MUL1: variants seen among roughly 807,000 people sequenced by gnomAD.
The protein encoded by MUL1 is mitochondrial ubiquitin ligase activator of NFKB 1.
MUL1 carries 30 observed loss-of-function variants against 34.1 expected under a neutral mutation model. The observed-to-expected ratio is 0.88, with a 90% CI of 0.66 to 1.19. The LOEUF is 1.19. Among genes scored for constraint, MUL1 ranks in the 50% most tolerant of loss-of-function variants. The pLI is 0.00. For missense variants in MUL1, 419 were observed against 450.5 expected (o/e 0.93, Z 0.63); for synonymous variants, 191 against 187.8 (o/e 1.02, Z -0.14).
chr1:20,501,674 C>T lies in MUL1; in HGVS notation c.330-255G>A, dbSNP rs2051662144. 6.6e-6 allele frequency among the ~76,000 whole-genome samples: 1 copy of T among 152,200 alleles called. No homozygotes were observed. Among genetic ancestry groups the T allele is most frequent in the African/African-American group, 2.4e-5 (1 of 41,450 alleles). On this transcript the variant is annotated intron_variant, in intron 3 of 3. Transcript: ENST00000264198. This position sits in a 1 kb window ranked among gnomAD's most constrained non-coding sequence, Gnocchi z 4.2. ...TAAAACAAACATCTAAAACAAAACT[C>T]ACTAGGACCAGTTGGAAAACTGATA...
rs765538600 is a variant in MUL1 at position 20,501,251 on chromosome 1, G to C, written c.498C>G (p.Phe166Leu). ...TGATGTAGTGGCCGATGACATCGGT[G>C]AAGGACTGAATCGAGGGGTGGAACT... ...YEKFHPSIQSFTDVIGHYISG... is the reference protein window; with the variant it reads ...YEKFHPSIQSLTDVIGHYISG... Residue 166 changes from phenylalanine to leucine, a missense_variant, in exon 4 of 4, where the codon TTC becomes TTG. Physicochemically the swap from Phe to Leu is conservative, Grantham distance 22. Transcript: ENST00000264198. The surrounding 1 kb of genome is among the most constrained non-coding windows in gnomAD (Gnocchi z 4.2). The C allele has an allele frequency of 1.2e-6, 2 of 1,614,210 alleles. No individual in the cohort carries two copies. The highest frequency in any genetic ancestry group is 1.7e-6 in the Non-Finnish European group (2 of 1,180,046).
At position 20,501,516 on chromosome 1, in the gene MUL1, G is replaced by T; in HGVS notation, c.330-97C>A. On this transcript the variant is annotated intron_variant, in intron 3 of 3. Transcript: ENST00000264198. This position sits in a 1 kb window ranked among gnomAD's most constrained non-coding sequence, Gnocchi z 4.2. ...AAATGTGGAGGACAGCATATGGTCT[G>T]AAGTAACTGGAAGAAGACAGTAAGA... The T allele has an allele frequency of 7.5e-7, 1 of 1,331,652 alleles. No individual in the cohort carries two copies. Among genetic ancestry groups the T allele is most frequent in the Non-Finnish European group, 1.0e-6 (1 of 978,754 alleles). 82.5% of individuals were successfully genotyped at this position (1,331,652 alleles called of 1,614,324 possible). A position where few individuals can be genotyped will look rare whatever the true frequency, so the allele number is the denominator to read the frequency against.
chr1:20,501,180 T>A lies in MUL1; in HGVS notation c.569A>T (p.Lys190Met). The change falls in exon 4 of 4, where the codon AAG (lysine) becomes ATG (methionine). Residue 190 changes from lysine to methionine, a missense_variant. Transcript: ENST00000264198. This position sits in a 1 kb window ranked among gnomAD's most constrained non-coding sequence, Gnocchi z 4.2. The stretch of plus-strand genomic sequence containing the variant: ...AACCCCTGTGAGGGTGGCCCCCACC[T>A]TCAGCATCTCCTCGGTCTCTTGGAT... The part of the protein sequence containing the change: ...KGIQETEEML[K>M]VGATLTGVGE... 1 of 1,614,068 alleles carries A rather than the reference T, an allele frequency of 6.2e-7. No individual in the cohort carries two copies. The highest frequency in any genetic ancestry group is 8.5e-7 in the Non-Finnish European group (1 of 1,179,928).
At chr1:20,503,409 G>A (rs2051684216) in intron 1 of MUL1, 100 bp from the exon 2 acceptor site, 1 of 684,018 alleles carries the variant, frequency 1.5e-6, no homozygotes, top group Non-Finnish European at 2.4e-6. Context: ...TTTTTTTCGT[G>A]TCAAGAGAAT....
Position 20,502,119 on chromosome 1 carries a change from C to T in MUL1, c.279G>A (p.Arg93=). 6.2e-7 allele frequency: 1 copy of T among 1,614,112 alleles called. No individual in the cohort carries two copies. Among genetic ancestry groups the T allele is most frequent in the Non-Finnish European group, 8.5e-7 (1 of 1,180,010 alleles). ...FVENCKGVIQ[R]LTLQEHKMVW... ...CCATCTTGTGCTCCTGAAGTGTCAG[C>T]CGCTGAATTACCCCCTTGCAGTTTT... The change falls in exon 3 of 4, where the codon CGG becomes CGA. Residue 93 remains arginine (R), a synonymous_variant. Coordinates refer to ENST00000264198, the MANE Select transcript of MUL1 (RefSeq NM_024544.3).
rs764135854 is a variant in MUL1 at position 20,501,338 on chromosome 1, C to G, written c.411G>C (p.Val137=). The change falls in exon 4 of 4, where the codon GTG becomes GTC. Residue 137 remains valine (V), a synonymous_variant. Coordinates refer to ENST00000264198, the MANE Select transcript of MUL1 (RefSeq NM_024544.3). This position sits in a 1 kb window ranked among gnomAD's most constrained non-coding sequence, Gnocchi z 4.2. ...DLVPHEDGVD[V]AVRVLKPLDS... ...CCAGGGGCTTCAGCACTCGCACAGCCACATCCACGCCATCCTCGTGGGGCA... is the reference window on the plus strand; with the variant it reads ...CCAGGGGCTTCAGCACTCGCACAGCGACATCCACGCCATCCTCGTGGGGCA... The G allele has an allele frequency of 6.2e-7, 1 of 1,614,188 alleles. No homozygotes were observed.
rs760168465 is a variant in MUL1, at chr1:20,500,944, G to A, written c.805C>T (p.Arg269Cys). The change falls in exon 4 of 4, where the codon CGC becomes TGC. Residue 269 changes from arginine (R) to cysteine (C), a missense_variant. Coordinates refer to ENST00000264198, the MANE Select transcript of MUL1 (RefSeq NM_024544.3). Reference sequence around the variant, plus strand: ...TCCTGCATCTGCTTGAGGCGCAGGCGCTCCTGCCGCTGCAGATACTGCTTC... The same window carrying A: ...TCCTGCATCTGCTTGAGGCGCAGGCACTCCTGCCGCTGCAGATACTGCTTC... ...LRKQYLQRQE[R>C]LRLKQMQEEF... The A allele has an allele frequency of 4.1e-5, 66 of 1,613,798 alleles. No individual in the cohort carries two copies. The highest frequency in any genetic ancestry group is 5.3e-5 in the Non-Finnish European group (62 of 1,180,060).
rs2051645396 is a variant in MUL1 at position 20,500,638 on chromosome 1, C to T, written c.*52G>A. 6.6e-7 allele frequency: 1 copy of T among 1,514,046 alleles called. No individual in the cohort carries two copies. The highest frequency in any genetic ancestry group is 1.4e-5 in the African/African-American group (1 of 71,584). 93.8% of individuals were successfully genotyped at this position (1,514,046 alleles called of 1,614,324 possible). A position where few individuals can be genotyped will look rare whatever the true frequency, so the allele number is the denominator to read the frequency against. On this transcript the variant is annotated 3_prime_UTR_variant, in exon 4 of 4. Coordinates refer to ENST00000264198, the MANE Select transcript of MUL1 (RefSeq NM_024544.3). ...TCCAAAGGCCTCGAGATAAAAATCC[C>T]TGAAAAGGGGGCAGGGGTGCTTCCA...
intron 1 of MUL1, among the ~76,000 whole-genome samples, chr1:20,505,611 A>G (rs376080929): frequency 5.9e-4 from 83 of 141,558 alleles, no homozygotes; most frequent in African/African-American, 2.1e-3. Context: ...AAAAAAGAAG[A>G]GGAAAAAGAA....
chr1:20,507,843 G>A, intron 1 of MUL1, 62 bp downstream of exon 1: 1 of 1,550,828 alleles, frequency 6.4e-7, no homozygotes. Context: ...GGTGAATCAT[G>A]GGCTCCCCAG....
Position 20,507,943 on chromosome 1 carries a change from C to A in MUL1, c.82G>T (p.Val28Leu). 1 of 1,597,348 alleles carries A rather than the reference C, an allele frequency of 6.3e-7. No individual in the cohort carries two copies. The highest frequency in any genetic ancestry group is 8.5e-7 in the Non-Finnish European group (1 of 1,172,868). The change falls in exon 1 of 4, where the codon GTG (valine) becomes TTG (leucine). Residue 28 changes from valine (V) to leucine (L), a missense_variant. Transcript: ENST00000264198. ...TSVVTAALYSVYRQKARVSQE... is the reference protein window; with the variant it reads ...TSVVTAALYSLYRQKARVSQE... ...GAGACCCGGGCCTTCTGCCGGTACA[C>A]GGAGTACAGGGCGGCGGTGACCACA...
At position 20,502,129 on chromosome 1, in the gene MUL1, A is replaced by T; in HGVS notation, c.269T>A (p.Val90Glu). The part of the protein sequence containing the change: ...NSQFVENCKG[V>E]IQRLTLQEHK... ...CTCCTGAAGTGTCAGCCGCTGAATT[A>T]CCCCCTTGCAGTTTTCCACAAACTG... The change falls in exon 3 of 4, where the codon GTA becomes GAA. Residue 90 changes from valine (V) to glutamate (E), a missense_variant. Transcript: ENST00000264198. The T allele has an allele frequency of 6.2e-7, 1 of 1,614,058 alleles. No individual in the cohort carries two copies. The highest frequency in any genetic ancestry group is 2.2e-5 in the East Asian group (1 of 44,882).
chr1:20,500,547 G>C lies in MUL1; in HGVS notation c.*143C>G. ...TCCTGCCATTGGAGGCATGGGTCTG[G>C]AGAGTTTCTACCCAATTCCTCCCTC... On this transcript the variant is annotated 3_prime_UTR_variant, in exon 4 of 4. Coordinates refer to ENST00000264198, the MANE Select transcript of MUL1 (RefSeq NM_024544.3). 2 of 1,131,358 alleles carry C rather than the reference G, an allele frequency of 1.8e-6. No individual in the cohort carries two copies. Among genetic ancestry groups the C allele is most frequent in the African/African-American group, 1.5e-5 (1 of 64,546 alleles). 70.1% of individuals were successfully genotyped at this position (1,131,358 alleles called of 1,614,324 possible). A position where few individuals can be genotyped will look rare whatever the true frequency, so the allele number is the denominator to read the frequency against.
At chr1:20,506,363 T>C (rs2051713902) in intron 1 of MUL1, among the ~76,000 whole-genome samples, 1 of 152,196 alleles carries the variant, frequency 6.6e-6, no homozygotes, top group South Asian at 2.1e-4. Context: ...ACCCTGTCTC[T>C]GACCTAAAGA....
chr1:20,504,689 CTGTT>C (rs1434492673), intron 1 of MUL1, among the ~76,000 whole-genome samples: 2 of 152,232 alleles, frequency 1.3e-5, no homozygotes, highest in African/African-American at 4.8e-5. Context: ...GGCTTGGACA[CTGTT>C]TGTCCTGTTC....
In MUL1 at chr1:20,500,829, C is replaced by T. The variant is rs763487651; in HGVS notation, c.920G>A (p.Ser307Asn). 12 of 1,614,058 alleles carry T rather than the reference C, an allele frequency of 7.4e-6. No individual in the cohort carries two copies. The highest frequency in any genetic ancestry group is 5.9e-6 in the Non-Finnish European group (7 of 1,180,046). Residue 307 changes from serine (S) to asparagine (N), a missense_variant, in exon 4 of 4, where the codon AGC becomes AAC. Transcript: ENST00000264198. ...SLKSACVVCL[S>N]SFKSCVFLEC... Reference sequence around the variant, plus strand: ...CAGAAAGACGCAGGACTTGAAGCTGCTCAGACACACTACACAGGCGCTCTT... The same window carrying T: ...CAGAAAGACGCAGGACTTGAAGCTGTTCAGACACACTACACAGGCGCTCTT...
At chr1:20,504,108 G>A (rs940845679) in intron 1 of MUL1, among the ~76,000 whole-genome samples, 4 of 152,068 alleles carry the variant, frequency 2.6e-5, no homozygotes, top group African/African-American at 4.8e-5. Flanking sequence ...GAGCTCAAGC[G>A]ATCCTCCTGC....
Position 20,503,306 on chromosome 1 carries a change from C to T in MUL1, c.124G>A (p.Ala42Thr), listed in dbSNP as rs755755908. 2 of 1,578,456 alleles carry T rather than the reference C, an allele frequency of 1.3e-6. No individual in the cohort carries two copies. Among genetic ancestry groups the T allele is most frequent in the Non-Finnish European group, 8.6e-7 (1 of 1,162,690 alleles). Residue 42 changes from alanine (A) to threonine (T), a missense_variant, in exon 2 of 4, where the codon GCT becomes ACT. Physicochemically the swap from Ala to Thr is moderately conservative, Grantham distance 58. Coordinates refer to ENST00000264198, the MANE Select transcript of MUL1 (RefSeq NM_024544.3). ...TCTTCACCCAAATGAACTTTTTTAG[C>T]TCCCTAAATAAAAAAAAAAAATTAA... ...KARVSQELKG[A>T]KKVHLGEDLK...
chr1:20,501,515 T>C lies in MUL1; in HGVS notation c.330-96A>G. On this transcript the variant is annotated intron_variant, in intron 3 of 3. Transcript: ENST00000264198. This position sits in a 1 kb window ranked among gnomAD's most constrained non-coding sequence, Gnocchi z 4.2. ...TAAATGTGGAGGACAGCATATGGTC[T>C]GAAGTAACTGGAAGAAGACAGTAAG... 7.3e-7 allele frequency: 1 copy of C among 1,363,826 alleles called. No homozygotes were observed. Among genetic ancestry groups the C allele is most frequent in the Non-Finnish European group, 9.9e-7 (1 of 1,005,762 alleles). 84.5% of individuals were successfully genotyped at this position (1,363,826 alleles called of 1,614,324 possible).
Sources: gnomAD v4.1 joint callset for allele counts (sites outside exome capture counted in the v4.1 genomes callset) on GRCh38, gnomAD v4.1.1 for gene constraint, Gnocchi (gnomAD v3.1) non-coding constraint, MANE v1.5 for transcripts, NCBI Gene and HGNC (gene_info 2026-07-23, HGNC 2026-07-21) for gene names.